Variants in ISLR2 observed in about 807,000 individuals in gnomAD.
ISLR2 encodes immunoglobulin superfamily containing leucine rich repeat 2.
ISLR2 carries 16 observed loss-of-function variants against 25.5 expected under a neutral mutation model. The observed-to-expected ratio is 0.63, with a 90% confidence interval of 0.43 to 0.95. The LOEUF (loss-of-function observed/expected upper bound fraction) is 0.95, where lower values mean the gene tolerates loss of function less well. ISLR2 is among the 40% of genes least tolerant of loss of function. The probability of loss-of-function intolerance (pLI) is 0.00; values close to 1 mark genes in which losing one functional copy is unlikely to be tolerated. For missense variants in ISLR2, 883 were observed against 1,030.7 expected, an observed-to-expected ratio of 0.86 and a Z score of 1.96; for synonymous variants, 508 against 486.6, an observed-to-expected ratio of 1.04 and a Z score of -0.58.
At chr15:74,126,889 AG>A (rs1271933862), upstream of ISLR2, 4 of 144,224 alleles carry the variant, frequency 2.8e-5, no homozygotes, top group Non-Finnish European at 6.0e-5. Flanking sequence ...GGGGCTGGAG[AG>A]AACATTTGTG....
upstream of ISLR2, among the ~76,000 whole-genome samples, chr15:74,125,486 T>A (rs1019181458): frequency 7.2e-5 from 11 of 152,234 alleles, no homozygotes; most frequent in Non-Finnish European, 1.5e-4. Context: ...ATATTCCTTC[T>A]ATCTTGGCAT....
upstream of ISLR2, chr15:74,126,532 A>G (rs2072299201): frequency 6.6e-6 from 1 of 152,044 alleles, no homozygotes; most frequent in African/African-American, 2.4e-5. Flanking sequence ...TTTTTAGCAG[A>G]GACGAGGTTT....
chr15:74,121,011 C>T (rs1034609978), intron 2 of ISLR2, among the ~76,000 whole-genome samples: 9 of 151,922 alleles, frequency 5.9e-5, no homozygotes, highest in Non-Finnish European at 1.3e-4. Flanking sequence ...ATCCCTCTTC[C>T]CTTCCCCTTC....
At position 74,133,727 on chromosome 15, in the gene ISLR2, G is replaced by A. The variant is rs776995798; in HGVS notation, c.973G>A (p.Ala325Thr). ...QTPTPAPAWP[A>T]PPATPRFLAL... Reference sequence around the variant, plus strand: ...GCCGACTCCAGCACCCGCTTGGCCGGCGCCCCCAGCCACACCGCGCTTCCT... The same window carrying A: ...GCCGACTCCAGCACCCGCTTGGCCGACGCCCCCAGCCACACCGCGCTTCCT... Residue 325 changes from alanine (A) to threonine (T), a missense_variant, in exon 3 of 3, where the codon GCG (alanine) becomes ACG (threonine). Physicochemically the swap from Ala to Thr is moderately conservative, Grantham distance 58. This residue lies in a region of ISLR2 where 612 missense variants were observed against 642.8 expected (regional missense o/e 0.95). Coordinates refer to ENST00000453268, the MANE Select transcript of ISLR2 (RefSeq NM_020851.3). 6.2e-7 allele frequency: 1 copy of A among 1,609,622 alleles called. No homozygotes were observed.
chr15:74,108,483 C>G (rs1439006801), intron 2 of ISLR2, among the ~76,000 whole-genome samples: 1 of 152,190 alleles, frequency 6.6e-6, no homozygotes, highest in East Asian at 1.9e-4. Flanking sequence ...CCCCAGACCC[C>G]CCAAAGCCCC....
rs2072566377 is a variant in ISLR2, at chr15:74,136,400, C to A, written c.*1408C>A. 6.1e-6 allele frequency: 1 copy of A among 165,102 alleles called. No individual in the cohort carries two copies. The allele number at this position is 165,102 out of a possible 1,614,324, so 10.2% of individuals were successfully genotyped here. ...GCGACGGGATCCGGATGGAGCCGAG[C>A]CCCTCCGTCCTCGCGTCTCGGTCCT... On this transcript the variant is annotated 3_prime_UTR_variant, in exon 3 of 3. Transcript: ENST00000453268.
chr15:74,120,515 C>A (rs2072244377), intron 2 of ISLR2, among the ~76,000 whole-genome samples: 1 of 143,464 alleles, frequency 7.0e-6, no homozygotes, highest in Non-Finnish European at 1.5e-5. Context: ...GAGAGAGACT[C>A]CATCTCAAAA....
chr15:74,107,021 G>C (rs2072125954), intron 2 of ISLR2, among the ~76,000 whole-genome samples: 1 of 152,136 alleles, frequency 6.6e-6, no homozygotes, highest in Admixed American at 6.5e-5. Flanking sequence ...TCAGGAATCA[G>C]GTGATGTCAA....
At chr15:74,118,875 T>A (rs1477261907) in intron 2 of ISLR2, among the ~76,000 whole-genome samples, 2 of 152,078 alleles carry the variant, frequency 1.3e-5, no homozygotes, top group African/African-American at 2.4e-5. Flanking sequence ...GCCAGGATGG[T>A]CTCGATCTCT....
At chr15:74,117,413 G>T (rs1356369414) in intron 2 of ISLR2, among the ~76,000 whole-genome samples, 5 of 152,076 alleles carry the variant, frequency 3.3e-5, no homozygotes, top group African/African-American at 1.2e-4. Context: ...ATATCTTAGG[G>T]CTCACACCTG....
intron 2 of ISLR2, among the ~76,000 whole-genome samples, chr15:74,117,384 T>C (rs2141934315): frequency 6.6e-6 from 1 of 152,266 alleles, no homozygotes; most frequent in African/African-American, 2.4e-5. Flanking sequence ...TGTTGTTTCC[T>C]GAATACACAA....
In ISLR2 at chr15:74,132,485, G is replaced by T. The variant is rs1442940630; in HGVS notation, c.-8-262G>T. 6.6e-6 allele frequency among the ~76,000 whole-genome samples: 1 copy of T among 152,248 alleles called. No individual in the cohort carries two copies. The highest frequency in any genetic ancestry group is 2.4e-5 in the African/African-American group (1 of 41,470). ...GGAGCCCACGGAGGGGCCAGCTCCA[G>T]CGTGAAGGAAGGAGTAGGAAGAGAA... On this transcript the variant is annotated intron_variant, in intron 2 of 2. Coordinates refer to ENST00000453268, the MANE Select transcript of ISLR2 (RefSeq NM_020851.3). The surrounding 1 kb of genome is among the most constrained non-coding windows in gnomAD (Gnocchi z 4.3).
Position 74,133,270 on chromosome 15 carries a change from G to T in ISLR2, c.516G>T (p.Ala172=), listed in dbSNP as rs1330423003. The T allele has an allele frequency of 1.2e-6, 2 of 1,611,288 alleles. No homozygotes were observed. The highest frequency in any genetic ancestry group is 2.2e-5 in the East Asian group (1 of 44,874). The change falls in exon 3 of 3, where the codon GCG becomes GCT. Residue 172 remains alanine (A), a synonymous_variant. Coordinates refer to ENST00000453268, the MANE Select transcript of ISLR2 (RefSeq NM_020851.3). The part of the protein sequence containing the change: ...LAPGTFDALS[A]LSHLQLYHNP... ...CTGGCACCTTCGACGCGCTTAGCGC[G>T]CTGTCACACTTGCAACTCTATCACA...
rs766185298 is a variant in ISLR2 at position 74,133,372 on chromosome 15, C to G, written c.618C>G (p.Pro206=). 1.2e-6 allele frequency: 2 copies of G among 1,608,012 alleles called. No individual in the cohort carries two copies. The highest frequency in any genetic ancestry group is 1.7e-6 in the Non-Finnish European group (2 of 1,179,830). Residue 206 remains proline, a synonymous_variant, in exon 3 of 3, where the codon CCC becomes CCG. Coordinates refer to ENST00000453268, the MANE Select transcript of ISLR2 (RefSeq NM_020851.3). ...AASTRVSLPE[P]DSIACASPPA... is the part of the protein sequence containing the mutation. ...GCACCCGGGTGTCCTTACCCGAGCC[C>G]GACTCCATTGCTTGTGCCTCGCCTC...
Position 74,133,003 on chromosome 15 carries a change from G to C in ISLR2, c.249G>C (p.Ala83=). 1 of 1,613,334 alleles carries C rather than the reference G, an allele frequency of 6.2e-7. No individual in the cohort carries two copies. Among genetic ancestry groups the C allele is most frequent in the South Asian group, 1.1e-5 (1 of 91,084 alleles). Residue 83 remains alanine (A), a synonymous_variant, in exon 3 of 3, where the codon GCG becomes GCC. Coordinates refer to ENST00000453268, the MANE Select transcript of ISLR2 (RefSeq NM_020851.3). ...DVTQVTSLWL[A]HNEVRTVEPG... ...CACAGGTCACGTCGCTGTGGCTGGC[G>C]CACAATGAGGTGCGCACCGTGGAGC...
upstream of ISLR2, chr15:74,128,474 A>G: frequency 2.2e-6 from 1 of 456,640 alleles, no homozygotes; most frequent in South Asian, 1.5e-5. Context: ...TGGCTTCTGC[A>G]ACCCTGTCAA....
downstream of ISLR2, among the ~76,000 whole-genome samples, chr15:74,139,068 C>A (rs1432366318): frequency 6.6e-6 from 1 of 152,214 alleles, no homozygotes; most frequent in Non-Finnish European, 1.5e-5. Context: ...CTGAGTGCCA[C>A]TAGGGCAGGT....
At position 74,133,453 on chromosome 15, in the gene ISLR2, C is replaced by T. The variant is rs778409184; in HGVS notation, c.699C>T (p.Pro233=). 6.2e-7 allele frequency: 1 copy of T among 1,611,288 alleles called. No homozygotes were observed. The highest frequency in any genetic ancestry group is 1.1e-5 in the South Asian group (1 of 91,036). ...YRLPALPCAP[P]SVHLSAEPPL... The stretch of plus-strand genomic sequence containing the variant: ...TGCCCGCCCTGCCCTGTGCACCGCC[C>T]AGCGTGCATCTGAGTGCCGAGCCAC... Residue 233 remains proline, a synonymous_variant, in exon 3 of 3, where the codon CCC becomes CCT. Transcript: ENST00000453268.
chr15:74,125,177 C>T (rs553226227), upstream of ISLR2, among the ~76,000 whole-genome samples: 1 of 152,290 alleles, frequency 6.6e-6, no homozygotes, highest in Non-Finnish European at 1.5e-5. Context: ...GATTGCCAAG[C>T]ATTTTGCATC....
Sources: allele counts gnomAD v4.1 joint callset (sites outside exome capture counted in the v4.1 genomes callset), GRCh38; gene constraint gnomAD v4.1.1; regional missense constraint gnomAD v4.1.1; non-coding constraint Gnocchi (gnomAD v3.1); transcripts MANE v1.5; gene names NCBI Gene and HGNC (gene_info 2026-07-23, HGNC 2026-07-21).